Variants in GAB2 observed in about 807,000 individuals in gnomAD.
The protein encoded by GAB2 is GRB2-associated-binding protein 2.
Under a neutral mutation model 65.5 loss-of-function variants are expected in GAB2, and 26 were observed. The observed-to-expected ratio is 0.40, with a 90% CI of 0.29 to 0.55. The LOEUF is 0.55. Ranked by LOEUF, GAB2 falls within the 20% of genes least tolerant of loss-of-function variation. The probability of loss-of-function intolerance (pLI) is 0.53; values close to 1 mark genes in which losing one functional copy is unlikely to be tolerated. For synonymous variants in GAB2, 321 were observed against 329.6 expected (o/e 0.97, Z 0.28); for missense variants, 884 against 875.8 (o/e 1.01, Z -0.12).
At chr11:78,274,438 T>C (rs1045836450) in intron 2 of GAB2, among the ~76,000 whole-genome samples, 2 of 152,110 alleles carry the variant, frequency 1.3e-5, no homozygotes, top group African/African-American at 4.8e-5. Context: ...CAGAAAACAA[T>C]GTGAATAGTC....
In GAB2 at chr11:78,216,149, C is replaced by T. The variant is rs752620276; in HGVS notation, c.*3123G>A. The T allele has an allele frequency of 3.5e-4, 54 of 152,768 alleles. No individual in the cohort carries two copies. The highest frequency in any genetic ancestry group is 6.9e-4 in the Non-Finnish European group (47 of 68,046). The allele number at this position is 152,768 out of a possible 1,614,324, so 9.5% of individuals were successfully genotyped here. On this transcript the variant is annotated 3_prime_UTR_variant, in exon 10 of 10. Transcript: ENST00000361507. The stretch of plus-strand genomic sequence containing the variant: ...GACCTCAGCGCAGCTAATCCAACCT[C>T]CCATTCCACAGACAGGCAGATCAAG...
chr11:78,357,130 A>C (rs1856369780), intron 1 of GAB2, among the ~76,000 whole-genome samples: 1 of 152,214 alleles, frequency 6.6e-6, no homozygotes, highest in Admixed American at 6.5e-5. Context: ...TGAATTGTTC[A>C]CTTAAAAATA....
At chr11:78,416,477 C>G (rs1432246095) in intron 1 of GAB2, among the ~76,000 whole-genome samples, 7 of 152,246 alleles carry the variant, frequency 4.6e-5, no homozygotes, top group African/African-American at 1.4e-4. Context: ...TGGACAGCCA[C>G]TGGTGCAGCT....
chr11:78,369,141 CAAAA>C (rs566107327), intron 1 of GAB2, among the ~76,000 whole-genome samples: 3 of 59,782 alleles, frequency 5.0e-5, no homozygotes, highest in Non-Finnish European at 7.7e-5. Context: ...GACCCTGTCT[CAAAA>C]AAAAAAAAAA....
In GAB2 at chr11:78,276,164, G is replaced by A. The variant is rs191245626; in HGVS notation, c.376+4437C>T. On this transcript the variant is annotated intron_variant, in intron 2 of 9. Transcript: ENST00000361507. The stretch of plus-strand genomic sequence containing the variant: ...AGAATATATTTCCTAGCCAGGAGCC[G>A]TGGTGCATGCCTGTAGTCCCAGCTA... 5.4e-3 allele frequency among the ~76,000 whole-genome samples: 827 copies of A among 151,746 alleles called. 6 individuals are homozygous for A. Among genetic ancestry groups the A allele is most frequent in the African/African-American group, 0.019 (785 of 41,396 alleles).
At chr11:78,229,492 T>C (rs1864776499) in intron 3 of GAB2, among the ~76,000 whole-genome samples, 1 of 152,200 alleles carries the variant, frequency 6.6e-6, no homozygotes, top group African/African-American at 2.4e-5. Context: ...ACTCATCATC[T>C]TCCTCTGGAA....
At chr11:78,318,369 C>CAAAGATAAAAAAAAAAAA (rs1855654469) in intron 1 of GAB2, 1 of 47,676 alleles carries the variant, frequency 2.1e-5, no homozygotes, top group Non-Finnish European at 4.0e-5. Context: ...TGTTAAATGC[C>CAAAGATAAAAAAAAAAAA]AAAAAAAAAA....
chr11:78,232,666 G>A (rs1235785874), intron 3 of GAB2, among the ~76,000 whole-genome samples: 1 of 152,184 alleles, frequency 6.6e-6, no homozygotes, highest in Non-Finnish European at 1.5e-5. Context: ...CAGTAAAAGT[G>A]ATGATAAATA....
intron 1 of GAB2, among the ~76,000 whole-genome samples, chr11:78,316,017 T>C (rs1855595823): frequency 6.6e-6 from 1 of 152,218 alleles, no homozygotes; most frequent in East Asian, 1.9e-4. Context: ...CTGAGGCTTC[T>C]GGCTTCCTTC....
At chr11:78,319,000 T>C (rs7116611) in intron 1 of GAB2, among the ~76,000 whole-genome samples, 23,952 of 152,104 alleles carry the variant, frequency 0.16, 2,428 homozygotes, top group East Asian at 0.4. Context: ...AACAATGGTG[T>C]GGTCTGTGTT....
At chr11:78,336,461 A>G (rs975212379) in intron 1 of GAB2, among the ~76,000 whole-genome samples, 1 of 138,276 alleles carries the variant, frequency 7.2e-6, no homozygotes, top group Non-Finnish European at 1.5e-5. Context: ...TACTGAATTT[A>G]TCAGTTGTAA....
At chr11:78,355,337 A>C (rs1007230733) in intron 1 of GAB2, among the ~76,000 whole-genome samples, 3 of 152,200 alleles carry the variant, frequency 2.0e-5, no homozygotes, top group Non-Finnish European at 2.9e-5. Context: ...TCTCCCACCC[A>C]ACTGTAACCT....
intron 1 of GAB2, among the ~76,000 whole-genome samples, chr11:78,364,980 C>T (rs1278762487): frequency 6.6e-6 from 1 of 152,064 alleles, no homozygotes; most frequent in African/African-American, 2.4e-5. Flanking sequence ...GGAATGGCTG[C>T]AGTCATTTTT....
At chr11:78,230,075 T>C (rs1864796817) in intron 3 of GAB2, among the ~76,000 whole-genome samples, 1 of 152,244 alleles carries the variant, frequency 6.6e-6, no homozygotes, top group African/African-American at 2.4e-5. Context: ...TGTGTCTTAC[T>C]CATTTTTCTC....
At chr11:78,308,307 C>T (rs1396423582) in intron 1 of GAB2, among the ~76,000 whole-genome samples, 1 of 152,046 alleles carries the variant, frequency 6.6e-6, no homozygotes, top group Non-Finnish European at 1.5e-5. Flanking sequence ...GCTGAGGGTG[C>T]AGTAAGCCGT....
At chr11:78,242,636 A>G (rs1865171214) in intron 3 of GAB2, among the ~76,000 whole-genome samples, 1 of 152,242 alleles carries the variant, frequency 6.6e-6, no homozygotes, top group African/African-American at 2.4e-5. Context: ...ATAAATGCTA[A>G]TACCAAAAAA....
chr11:78,359,425 T>C (rs1856403899), intron 1 of GAB2, among the ~76,000 whole-genome samples: 2 of 152,172 alleles, frequency 1.3e-5, no homozygotes, highest in African/African-American at 4.8e-5. Context: ...CACAGAATAA[T>C]TTTTCAATGT....
At chr11:78,238,284 T>C (rs1010828896) in intron 3 of GAB2, among the ~76,000 whole-genome samples, 4 of 150,870 alleles carry the variant, frequency 2.7e-5, no homozygotes, top group Admixed American at 1.3e-4. Context: ...TTCCAGCACT[T>C]TGGGAAGCTA....
chr11:78,336,764 T>C (rs181317953), intron 1 of GAB2, among the ~76,000 whole-genome samples: 12 of 152,154 alleles, frequency 7.9e-5, no homozygotes, highest in Admixed American at 1.3e-4. Flanking sequence ...CAGTGAAAAA[T>C]GAACAGGAAT....
Sources: allele counts gnomAD v4.1 joint callset (sites outside exome capture counted in the v4.1 genomes callset), GRCh38; gene constraint gnomAD v4.1.1; transcripts MANE v1.5; gene names NCBI Gene and HGNC (gene_info 2026-07-23, HGNC 2026-07-21).